PLEKHM3: variants seen among roughly 807,000 people sequenced by gnomAD.
PLEKHM3 encodes pleckstrin homology domain-containing family M member 3.
A neutral mutation model predicts 81.8 loss-of-function variants in PLEKHM3; 45 were observed. The observed-to-expected ratio is 0.55, with a 90% CI of 0.43 to 0.71. PLEKHM3 has a LOEUF of 0.71. PLEKHM3 is among the 30% of genes least tolerant of loss of function. The pLI is 0.00. For missense variants in PLEKHM3, 788 were observed against 924.3 expected (o/e 0.85, Z 1.91); for synonymous variants, 352 against 356.4 (o/e 0.99, Z 0.14).
intron 3 of PLEKHM3, among the ~76,000 whole-genome samples, chr2:207,960,373 T>C (rs1306202260): frequency 6.6e-6 from 1 of 152,180 alleles, no homozygotes. Context: ...TCTGCTGTGA[T>C]AAGAGGACAT....
At chr2:207,968,223 G>A (rs1690987078) in intron 3 of PLEKHM3, among the ~76,000 whole-genome samples, 1 of 152,000 alleles carries the variant, frequency 6.6e-6, no homozygotes, top group African/African-American at 2.4e-5. Flanking sequence ...AGTCCTGGGA[G>A]TTACAGACCA....
At chr2:207,861,038 G>T in intron 7 of PLEKHM3, 67 bp downstream of exon 7, 2 of 1,555,458 alleles carry the variant, frequency 1.3e-6, no homozygotes, top group South Asian at 2.4e-5. Context: ...AAGTTGGCCT[G>T]ATTTGGCCAA....
At chr2:207,846,045 CT>C (rs2092380048) in intron 7 of PLEKHM3, among the ~76,000 whole-genome samples, 2 of 152,190 alleles carry the variant, frequency 1.3e-5, no homozygotes, top group African/African-American at 4.8e-5. Flanking sequence ...TGCCATATGC[CT>C]GGTATGAAGG....
At chr2:207,857,752 T>G (rs2092443671) in intron 7 of PLEKHM3, among the ~76,000 whole-genome samples, 1 of 152,112 alleles carries the variant, frequency 6.6e-6, no homozygotes, top group Non-Finnish European at 1.5e-5. Context: ...TTGATCAGGG[T>G]AGCTAAAAGG....
At chr2:207,961,181 C>T (rs971744021) in intron 3 of PLEKHM3, among the ~76,000 whole-genome samples, 5 of 152,186 alleles carry the variant, frequency 3.3e-5, no homozygotes, top group East Asian at 3.9e-4. Context: ...CCAGCCACCA[C>T]ATCATGTGTG....
chr2:208,013,349 C>A (rs1197660141), intron 1 of PLEKHM3, among the ~76,000 whole-genome samples: 1 of 151,834 alleles, frequency 6.6e-6, no homozygotes, highest in Admixed American at 6.6e-5. Flanking sequence ...AACCCCATCT[C>A]TACTAAAAAT....
chr2:207,831,828 C>G (rs1193825544), intron 7 of PLEKHM3, among the ~76,000 whole-genome samples: 1 of 152,202 alleles, frequency 6.6e-6, no homozygotes, highest in Non-Finnish European at 1.5e-5. Context: ...ATGGCTTTGT[C>G]CCCACTGGTC....
In PLEKHM3 at chr2:207,886,107, C is replaced by A. The variant is rs185648537; in HGVS notation, c.1950+22407G>T. Among the ~76,000 whole-genome samples the A allele has an allele frequency of 1.6e-4, 25 of 151,686 alleles. 1 individual carries two copies. The highest frequency in any genetic ancestry group is 1.6e-3 in the Admixed American group (25 of 15,238). On this transcript the variant is annotated intron_variant, in intron 6 of 7. Transcript: ENST00000427836. ...AACAAAAGCTACCATCTATTTTCACCAATATTTCACAAAAAAAGGGGATTT... is the reference window on the plus strand; with the variant it reads ...AACAAAAGCTACCATCTATTTTCACAAATATTTCACAAAAAAAGGGGATTT...
chr2:207,967,097 C>T (rs1015021704), intron 3 of PLEKHM3, among the ~76,000 whole-genome samples: 3 of 152,140 alleles, frequency 2.0e-5, no homozygotes, highest in Admixed American at 1.3e-4. Flanking sequence ...AATCCTTTTA[C>T]CTCAGTCTCC....
chr2:207,892,725 T>G, intron 6 of PLEKHM3, among the ~76,000 whole-genome samples: 1 of 152,104 alleles, frequency 6.6e-6, no homozygotes, highest in East Asian at 1.9e-4. Context: ...TTGCTTAAAG[T>G]GTGCTGAAGA....
intron 2 of PLEKHM3, among the ~76,000 whole-genome samples, chr2:207,997,388 G>A (rs1692157587): frequency 6.6e-6 from 1 of 152,190 alleles, no homozygotes; most frequent in African/African-American, 2.4e-5. Context: ...GGAAAGAGAT[G>A]GAGGAGGGTA....
intron 6 of PLEKHM3, among the ~76,000 whole-genome samples, chr2:207,899,768 C>G (rs1199699158): frequency 6.6e-6 from 1 of 152,164 alleles, no homozygotes; most frequent in African/African-American, 2.4e-5. Flanking sequence ...AGAAATGTCA[C>G]AGTTGGTAGT....
chr2:208,011,064 C>CAAAAAAAAA (rs10587149), intron 1 of PLEKHM3, among the ~76,000 whole-genome samples: 3 of 65,070 alleles, frequency 4.6e-5, no homozygotes, highest in East Asian at 4.8e-4. Context: ...TGGCCATAAT[C>CAAAAAAAAA]AAAAAAAAAA....
chr2:207,954,077 T>C (rs1360131817), intron 3 of PLEKHM3, among the ~76,000 whole-genome samples: 1 of 152,164 alleles, frequency 6.6e-6, no homozygotes, highest in South Asian at 2.1e-4. Flanking sequence ...ATCCCAGTAC[T>C]TTTGGAGACC....
At chr2:207,880,419 A>AG (rs1048049915) in intron 6 of PLEKHM3, among the ~76,000 whole-genome samples, 1 of 149,168 alleles carries the variant, frequency 6.7e-6, no homozygotes, top group Non-Finnish European at 1.5e-5. Flanking sequence ...AGAAAAAAAA[A>AG]AAAACGCAAA....
At chr2:207,898,250 A>C (rs563678562) in intron 6 of PLEKHM3, among the ~76,000 whole-genome samples, 1 of 152,252 alleles carries the variant, frequency 6.6e-6, no homozygotes, top group Admixed American at 6.5e-5. Context: ...AAAAATACAG[A>C]TTTCCGGCTT....
intron 6 of PLEKHM3, among the ~76,000 whole-genome samples, chr2:207,870,309 C>T (rs1374946710): frequency 6.6e-6 from 1 of 152,174 alleles, no homozygotes; most frequent in African/African-American, 2.4e-5. Context: ...TAATTCCTTC[C>T]CTCTGATTTG....
intron 5 of PLEKHM3, among the ~76,000 whole-genome samples, chr2:207,917,965 C>T (rs548578868): frequency 1.3e-5 from 2 of 152,176 alleles, no homozygotes; most frequent in Admixed American, 6.5e-5. Context: ...ACCTAATATA[C>T]TTGATTTTTT....
At chr2:207,834,197 T>C (rs1368688375) in intron 7 of PLEKHM3, among the ~76,000 whole-genome samples, 4 of 151,318 alleles carry the variant, frequency 2.6e-5, no homozygotes, top group Non-Finnish European at 4.4e-5. Context: ...TGGCACGATC[T>C]CAGCTCACCA....
Sources: gnomAD v4.1 joint callset for allele counts (sites outside exome capture counted in the v4.1 genomes callset) on GRCh38, gnomAD v4.1.1 for gene constraint, MANE v1.5 for transcripts, NCBI Gene and HGNC (gene_info 2026-07-23, HGNC 2026-07-21) for gene names.